Variants in KITLG observed in about 807,000 individuals in gnomAD.
KITLG encodes c-Kit ligand.
KITLG carries 13 observed loss-of-function variants against 34.1 expected under a neutral mutation model. The ratio of observed to expected loss-of-function variants is 0.38; its 90% CI spans 0.25 to 0.61. The LOEUF is 0.61. Ranked by LOEUF, KITLG falls within the 20% of genes least tolerant of loss-of-function variation. The pLI, the probability that KITLG is intolerant of heterozygous loss-of-function variation, is 0.60. For synonymous variants in KITLG, 110 were observed against 104.0 expected, an observed-to-expected ratio of 1.06 and a Z score of -0.35; for missense variants, 292 against 318.9, an observed-to-expected ratio of 0.92 and a Z score of 0.64.
chr12:88,578,358 T>C (rs1213902946), intron 1 of KITLG, among the ~76,000 whole-genome samples: 1 of 152,192 alleles, frequency 6.6e-6, no homozygotes, highest in Non-Finnish European at 1.5e-5. Flanking sequence ...CATCAGCAAG[T>C]TCCCCCAAAG....
At chr12:88,504,496 A>G (rs995095852) in intron 9 of KITLG, among the ~76,000 whole-genome samples, 1 of 152,220 alleles carries the variant, frequency 6.6e-6, no homozygotes, top group African/African-American at 2.4e-5. Flanking sequence ...TATGCAGCCA[A>G]CAGACACGTG....
chr12:88,530,664 C>T (rs996713876), intron 3 of KITLG, among the ~76,000 whole-genome samples: 7 of 152,200 alleles, frequency 4.6e-5, no homozygotes, highest in East Asian at 1.9e-4. Context: ...TTTCAGGCTG[C>T]TAATAATTTT....
Position 88,554,127 on chromosome 12 carries a change from G to GT in KITLG, c.16-8263dup, listed in dbSNP as rs1871017730. Among the ~76,000 whole-genome samples, 3 of 152,196 alleles carry GT rather than the reference G, an allele frequency of 2.0e-5. No homozygotes were observed. The South Asian group carries it at 6.2e-4, about 32-fold the overall frequency. Reference sequence around the variant, plus strand: ...AACAAACCATGGACTTAATCTGAACGTGTGTTGCAACACATAAGTCACACT... The same window carrying GT: ...AACAAACCATGGACTTAATCTGAACGTTGTGTTGCAACACATAAGTCACACT... On this transcript the variant is annotated intron_variant, in intron 1 of 9. Transcript: ENST00000644744.
intron 2 of KITLG, among the ~76,000 whole-genome samples, chr12:88,535,476 T>C (rs1352391548): frequency 6.6e-6 from 1 of 152,154 alleles, no homozygotes; most frequent in African/African-American, 2.4e-5. Flanking sequence ...TTAACCGGTA[T>C]CCCCAAGGTA....
chr12:88,577,912 G>A (rs1421996259), intron 1 of KITLG, among the ~76,000 whole-genome samples: 3 of 152,050 alleles, frequency 2.0e-5, no homozygotes, highest in Non-Finnish European at 4.4e-5. Flanking sequence ...TTTATATGTG[G>A]GGTAGTAGGA....
rs1394916530 is a variant in KITLG, at chr12:88,506,498, A to G, written c.715-120T>C. The G allele has an allele frequency of 1.1e-5, 8 of 756,492 alleles. No individual in the cohort carries two copies. In the East Asian group the frequency reaches 2.0e-4, roughly 19 times the overall value. 46.9% of individuals were successfully genotyped at this position (756,492 alleles called of 1,614,324 possible). A position where few individuals can be genotyped will look rare whatever the true frequency, so the allele number is the denominator to read the frequency against. On this transcript the variant is annotated intron_variant, in intron 7 of 9. Coordinates refer to ENST00000644744, the MANE Select transcript of KITLG (RefSeq NM_000899.5). ...TAACTCCAATAACAGTTTTTTCAGC[A>G]TGTAGCATGCAAAATATCTTTGTAA... is the stretch of plus-strand genomic sequence containing the variant.
intron 4 of KITLG, among the ~76,000 whole-genome samples, chr12:88,517,357 G>C (rs933620271): frequency 6.6e-6 from 1 of 151,934 alleles, no homozygotes; most frequent in African/African-American, 2.4e-5. Context: ...AAGAAAAGTA[G>C]GTAACCAAAA....
At chr12:88,533,705 C>G (rs1870193981) in intron 2 of KITLG, among the ~76,000 whole-genome samples, 1 of 152,146 alleles carries the variant, frequency 6.6e-6, no homozygotes, top group African/African-American at 2.4e-5. Context: ...AAAACTTTAT[C>G]TTCCTTATAG....
chr12:88,537,513 A>G (rs1373640690), intron 2 of KITLG, among the ~76,000 whole-genome samples: 2 of 152,028 alleles, frequency 1.3e-5, no homozygotes, highest in African/African-American at 2.4e-5. Flanking sequence ...AAAACTACCT[A>G]TTGGGTACCA....
In KITLG at chr12:88,516,478, AT is replaced by A; in HGVS notation, c.375del (p.Lys125AsnfsTer31). On this transcript the variant is annotated frameshift_variant, in exon 5 of 10. Coordinates refer to ENST00000644744, the MANE Select transcript of KITLG (RefSeq NM_000899.5). LOFTEE classifies it high-confidence loss of function. ...VKENSSKDLK[K>X]SFKSPEPRLF... is the part of the protein sequence containing the mutation. ...AGCCTGGGTTCTGGGCTCTTGAATG[AT>A]TTTTTTAGATCCTAGAAGAAAAAAT... The A allele has an allele frequency of 5.6e-6, 9 of 1,599,302 alleles. No homozygotes were observed. Among genetic ancestry groups the A allele is most frequent in the Non-Finnish European group, 5.1e-6 (6 of 1,172,970 alleles).
At chr12:88,552,777 C>G (rs773506652) in intron 1 of KITLG, among the ~76,000 whole-genome samples, 5 of 151,980 alleles carry the variant, frequency 3.3e-5, no homozygotes, top group Non-Finnish European at 4.4e-5. Context: ...AAAAAAAACG[C>G]TTTTGGAAAC....
At chr12:88,509,901 C>A (rs1277589087) in intron 6 of KITLG, among the ~76,000 whole-genome samples, 1 of 152,080 alleles carries the variant, frequency 6.6e-6, no homozygotes, top group Non-Finnish European at 1.5e-5. Context: ...GAATTGCATG[C>A]CTCAAGGCCC....
intron 1 of KITLG, among the ~76,000 whole-genome samples, chr12:88,553,124 T>A (rs1870976836): frequency 6.6e-6 from 1 of 152,248 alleles, no homozygotes; most frequent in South Asian, 2.1e-4. Context: ...AGCACATGAA[T>A]ATTTTGACAC....
rs189525829 is a variant in KITLG at position 88,560,686 on chromosome 12, T to C, written c.16-14821A>G. ...CAAAACAGCTTTAGAAAACAGTGTG[T>C]TGGCTGGGCGCTGTGGCTCACGCCT... On this transcript the variant is annotated intron_variant, in intron 1 of 9. Transcript: ENST00000644744. Among the ~76,000 whole-genome samples, 124 of 152,240 alleles carry C rather than the reference T, an allele frequency of 8.1e-4. 1 individual carries two copies. The highest frequency in any genetic ancestry group is 1.2e-3 in the Non-Finnish European group (85 of 68,016).
intron 2 of KITLG, among the ~76,000 whole-genome samples, chr12:88,543,370 T>C (rs1870589971): frequency 6.6e-6 from 1 of 152,204 alleles, no homozygotes; most frequent in Non-Finnish European, 1.5e-5. Context: ...TGTTTGGTTT[T>C]CTGTTCTTGT....
intron 1 of KITLG, among the ~76,000 whole-genome samples, chr12:88,554,549 G>A (rs1268917432): frequency 6.6e-6 from 1 of 152,152 alleles, no homozygotes; most frequent in Non-Finnish European, 1.5e-5. Flanking sequence ...TTTTGGAAGA[G>A]AGCCAACTGG....
At chr12:88,573,117 G>A (rs1871710848) in intron 1 of KITLG, among the ~76,000 whole-genome samples, 1 of 152,106 alleles carries the variant, frequency 6.6e-6, no homozygotes, top group South Asian at 2.1e-4. Context: ...CAATCCTTGG[G>A]TTTTCTAGAT....
intron 1 of KITLG, among the ~76,000 whole-genome samples, chr12:88,568,739 T>A (rs1871540099): frequency 6.6e-6 from 1 of 152,056 alleles, no homozygotes; most frequent in African/African-American, 2.4e-5. Context: ...TGTTTTCTAA[T>A]AGTACAATTA....
intron 1 of KITLG, among the ~76,000 whole-genome samples, chr12:88,558,950 A>T (rs1871194432): frequency 6.6e-6 from 1 of 152,196 alleles, no homozygotes; most frequent in African/African-American, 2.4e-5. Flanking sequence ...GGGATAAAAG[A>T]TGACAAATTG....
Sources: gnomAD v4.1 joint callset for allele counts (sites outside exome capture counted in the v4.1 genomes callset) on GRCh38, gnomAD v4.1.1 for gene constraint, MANE v1.5 for transcripts, NCBI Gene and HGNC (gene_info 2026-07-23, HGNC 2026-07-21) for gene names.